Variants in IRAK2 observed in about 807,000 individuals in gnomAD.
IRAK2 encodes interleukin 1 receptor associated kinase 2.
Under a neutral mutation model 72.0 loss-of-function variants are expected in IRAK2, and 57 were observed. The observed-to-expected ratio is 0.79, with a 90% CI of 0.64 to 0.99. The LOEUF is 0.99. Ranked by LOEUF, IRAK2 falls within the 50% of genes least tolerant of loss-of-function variation. IRAK2 has a pLI of 0.00. For missense variants in IRAK2, 790 were observed against 794.4 expected (o/e 0.99, Z 0.07); for synonymous variants, 293 against 312.7 (o/e 0.94, Z 0.67).
intron 2 of IRAK2, among the ~76,000 whole-genome samples, chr3:10,182,923 G>A (rs1413323832): frequency 8.6e-5 from 13 of 151,218 alleles, no homozygotes; most frequent in Admixed American, 6.6e-5. Context: ...GGTGTGCCCC[G>A]CTGCATCTGG....
intron 2 of IRAK2, among the ~76,000 whole-genome samples, chr3:10,199,884 CTT>C (rs145377518): frequency 6.4e-5 from 8 of 124,102 alleles, no homozygotes; most frequent in Admixed American, 8.0e-5. Flanking sequence ...AGCCACTGCT[CTT>C]TTTTTTTTTT....
intron 1 of IRAK2, among the ~76,000 whole-genome samples, chr3:10,173,369 C>G (rs1035169495): frequency 2.0e-5 from 3 of 152,152 alleles, no homozygotes; most frequent in African/African-American, 7.2e-5. Flanking sequence ...TTGGAGTCCT[C>G]CAAGTGGGAT....
chr3:10,226,310 T>A (rs1697774407), intron 9 of IRAK2, 61 bp from the exon 10 acceptor site: 1 of 1,386,808 alleles, frequency 7.2e-7, no homozygotes, highest in African/African-American at 1.4e-5. Flanking sequence ...AGACAGAATC[T>A]GCTGCCTGGC....
chr3:10,242,137 T>C lies in IRAK2; in HGVS notation c.1787T>C (p.Ile596Thr), dbSNP rs760927089. The change falls in exon 13 of 13, where the codon ATT (isoleucine) becomes ACT (threonine). Residue 596 changes from isoleucine to threonine, a missense_variant. Ile to Thr is a moderately conservative substitution (Grantham distance 89). Transcript: ENST00000256458. Reference sequence around the variant, plus strand: ...TCAGTTACAGAAACTTCGTGGCAAATTGAGATCAATGAGGCCAAAAGGAAA... The same window carrying C: ...TCAGTTACAGAAACTTCGTGGCAAACTGAGATCAATGAGGCCAAAAGGAAA... Reference protein sequence around the residue: ...PQDVTETSWQIEINEAKRKLM... With the variant: ...PQDVTETSWQTEINEAKRKLM... 2 of 1,611,528 alleles carry C rather than the reference T, an allele frequency of 1.2e-6. No homozygotes were observed. Among genetic ancestry groups the C allele is most frequent in the Non-Finnish European group, 1.7e-6 (2 of 1,178,338 alleles).
At position 10,238,896 on chromosome 3, in the gene IRAK2, C is replaced by G; in HGVS notation, c.1622C>G (p.Ser541Cys). 1 of 1,614,162 alleles carries G rather than the reference C, an allele frequency of 6.2e-7. No individual in the cohort carries two copies. The highest frequency in any genetic ancestry group is 8.5e-7 in the Non-Finnish European group (1 of 1,180,026). ...DVDNSSLDASSSMSVAPWAGA... is the reference protein window; with the variant it reads ...DVDNSSLDASCSMSVAPWAGA... ...GACAATTCCAGCCTTGATGCCTCCT[C>G]CTCCATGAGTGTGGCACCCTGGGCA... The change falls in exon 12 of 13, where the codon TCC (serine) becomes TGC (cysteine). Residue 541 changes from serine to cysteine, a missense_variant. Ser to Cys is a moderately radical substitution (Grantham distance 112). Transcript: ENST00000256458.
rs770375559 is a variant in IRAK2, at chr3:10,222,668, C to G, written c.1046C>G (p.Pro349Arg). 6.2e-6 allele frequency: 10 copies of G among 1,614,030 alleles called. No individual in the cohort carries two copies. The highest frequency in any genetic ancestry group is 8.5e-6 in the Non-Finnish European group (10 of 1,180,032). Reference protein sequence around the residue: ...SNVLLDQNLTPKLAHPMAHLC... With the variant: ...SNVLLDQNLTRKLAHPMAHLC... ...GTCTTGCTGGACCAAAATCTCACCC[C>G]CAAACTTGCTCACCCAATGGCTCAT... The change falls in exon 9 of 13, where the codon CCC (proline) becomes CGC (arginine). Residue 349 changes from proline (P) to arginine (R), a missense_variant. Pro to Arg is a moderately radical substitution (Grantham distance 103). Transcript: ENST00000256458.
intron 12 of IRAK2, 130 bp from the exon 13 acceptor site, chr3:10,241,986 G>GA (rs56369677): frequency 0.54 from 196,877 of 363,148 alleles, 36,429 homozygotes; most frequent in African/African-American, 0.68. Context: ...AAAAAAAAAA[G>GA]AAAAAAAAAA....
intron 11 of IRAK2, 58 bp from the exon 12 acceptor site, chr3:10,238,690 A>T: frequency 1.3e-6 from 2 of 1,532,276 alleles, no homozygotes; most frequent in South Asian, 1.2e-5. Context: ...GCCAGATGTT[A>T]GCATTTCTAT....
chr3:10,208,393 C>G (rs1276249856), intron 3 of IRAK2, among the ~76,000 whole-genome samples: 3 of 151,620 alleles, frequency 2.0e-5, no homozygotes, highest in Non-Finnish European at 4.4e-5. Flanking sequence ...CCTTGACCTC[C>G]TGGGCACAAG....
At chr3:10,165,748 T>C (rs1375449460) in intron 1 of IRAK2, among the ~76,000 whole-genome samples, 5 of 75,032 alleles carry the variant, frequency 6.7e-5, no homozygotes, top group African/African-American at 2.3e-4. Flanking sequence ...TTTTTTTTTT[T>C]AAGACGGAGT....
chr3:10,192,831 A>G (rs548854537), intron 2 of IRAK2, among the ~76,000 whole-genome samples: 29 of 152,354 alleles, frequency 1.9e-4, no homozygotes, highest in African/African-American at 5.8e-4. Context: ...AGGTAGGACA[A>G]TCGCTTGAAC....
chr3:10,207,213 A>G (rs1195102822), intron 3 of IRAK2, among the ~76,000 whole-genome samples: 1 of 152,150 alleles, frequency 6.6e-6, no homozygotes, highest in Non-Finnish European at 1.5e-5. Flanking sequence ...TCGGCCTCCC[A>G]AAGTGCTGGG....
chr3:10,237,572 C>G lies in IRAK2; in HGVS notation c.1474-1176C>G, dbSNP rs2125165733. 2.6e-5 allele frequency among the ~76,000 whole-genome samples: 4 copies of G among 152,102 alleles called. 1 individual carries two copies. The highest frequency in any genetic ancestry group is 2.6e-4 in the Admixed American group (4 of 15,264). On this transcript the variant is annotated intron_variant, in intron 11 of 12. Transcript: ENST00000256458. ...CCTGTAATCTCAGCACTTTGGGAGG[C>G]CGAGGCGGGCGGATCACGAGGTCAG... is the stretch of plus-strand genomic sequence containing the variant.
chr3:10,168,394 A>G (rs1696738587), intron 1 of IRAK2, among the ~76,000 whole-genome samples: 1 of 151,656 alleles, frequency 6.6e-6, no homozygotes, highest in African/African-American at 2.4e-5. Context: ...TATCTTCAGT[A>G]GAGACAGGGT....
At chr3:10,191,759 C>T (rs1697179061) in intron 2 of IRAK2, among the ~76,000 whole-genome samples, 1 of 152,128 alleles carries the variant, frequency 6.6e-6, no homozygotes. Flanking sequence ...GGCACCCCTC[C>T]CTCGAGTTTG....
intron 1 of IRAK2, among the ~76,000 whole-genome samples, chr3:10,165,564 C>T (rs952998685): frequency 2.6e-5 from 4 of 151,452 alleles, no homozygotes; most frequent in African/African-American, 9.7e-5. Context: ...GGCACGGTCT[C>T]GGCTCACTGC....
intron 10 of IRAK2, among the ~76,000 whole-genome samples, chr3:10,232,232 A>T: frequency 6.6e-6 from 1 of 152,208 alleles, no homozygotes; most frequent in Middle Eastern, 3.2e-3. Flanking sequence ...CATTTGCCCT[A>T]TGTAGACAGA....
chr3:10,181,905 G>A (rs1489875227), intron 2 of IRAK2, among the ~76,000 whole-genome samples: 2 of 151,610 alleles, frequency 1.3e-5, no homozygotes, highest in Non-Finnish European at 2.9e-5. Flanking sequence ...ACTATGGCAC[G>A]TGTACTCTCA....
At chr3:10,239,378 A>G (rs1037177645) in intron 12 of IRAK2, among the ~76,000 whole-genome samples, 4 of 152,172 alleles carry the variant, frequency 2.6e-5, no homozygotes, top group African/African-American at 9.6e-5. Context: ...CTCCCTCACT[A>G]GGTCCTTCTC....
Sources: allele counts gnomAD v4.1 joint callset (sites outside exome capture counted in the v4.1 genomes callset), GRCh38; gene constraint gnomAD v4.1.1; transcripts MANE v1.5; gene names NCBI Gene and HGNC (gene_info 2026-07-23, HGNC 2026-07-21).